TENM2: variants seen among roughly 807,000 people sequenced by gnomAD.
TENM2 encodes the protein teneurin transmembrane protein 2, also known as teneurin-2.
In TENM2, 52 loss-of-function variants were observed where a neutral mutation model predicts 245.2. That is an observed-to-expected ratio of 0.21 (90% CI 0.17 to 0.27). TENM2 has a LOEUF of 0.27. TENM2 is among the 10% of genes least tolerant of loss of function. The pLI is 1.00. For synonymous variants in TENM2, 1,363 were observed against 1,438.9 expected (o/e 0.95, Z 1.19); for missense variants, 3,046 against 3,666.8 (o/e 0.83, Z 4.37).
rs770281524 is a variant in TENM2, at chr5:168,246,764, T to C, written c.5825T>C (p.Val1942Ala). Residue 1942 changes from valine to alanine, a missense_variant, in exon 27 of 29, where the codon GTC becomes GCC. Val to Ala is a moderately conservative substitution (Grantham distance 64). Around this residue, in one of 2 missense-constraint regions of TENM2, gnomAD observed 2,704 missense variants for 3,331.9 expected, o/e 0.81. Coordinates refer to ENST00000518659, the Ensembl canonical transcript of TENM2. The stretch of plus-strand genomic sequence containing the variant: ...CCCCTTTCCTTTCTGCAGTCCATGG[T>C]CCTCCTGCTTCAGAGCCAACGTCAG... 4 of 1,613,352 alleles carry C rather than the reference T, an allele frequency of 2.5e-6. No homozygotes were observed. The African/African-American group carries it at 4.0e-5, about 16-fold the overall frequency.
Position 167,993,188 on chromosome 5 carries a change from T to G in TENM2, c.1186+6T>G. ...TTTGCTGGCGTATTTCATAGGTAAG[T>G]CAGGGCAGCCTTATTCAGCAACGCT... On this transcript the variant is annotated splice_donor_region_variant and intron_variant, in intron 5 of 28. Transcript: ENST00000518659. 1.2e-6 allele frequency: 2 copies of G among 1,612,320 alleles called. No individual in the cohort carries two copies. Among genetic ancestry groups the G allele is most frequent in the Non-Finnish European group, 1.7e-6 (2 of 1,178,492 alleles).
the TENM2 span, among the ~76,000 whole-genome samples, chr5:167,158,846 C>CCCTTCCTTCCTTCCTTCCTTCCTT: frequency 1.5e-4 from 13 of 86,060 alleles, no homozygotes; most frequent in East Asian, 3.4e-4. Context: ...TCCATAGCAG[C>CCCTTCCTTCCTTCCTTCCTTCCTT]CCTTCCTTCC....
chr5:167,281,111 ATG>A (rs201328409), upstream of TENM2, among the ~76,000 whole-genome samples: 42 of 144,434 alleles, frequency 2.9e-4, no homozygotes, highest in East Asian at 9.5e-4. Context: ...CTGACAATCA[ATG>A]TTTTTTTTTT....
At chr5:167,588,502 T>C (rs954657365) in intron 2 of TENM2, among the ~76,000 whole-genome samples, 2 of 152,228 alleles carry the variant, frequency 1.3e-5, no homozygotes, top group African/African-American at 4.8e-5. Context: ...TCCAAATGAA[T>C]TGATATGAAT....
intron 7 of TENM2, among the ~76,000 whole-genome samples, chr5:168,076,704 T>A (rs977091584): frequency 1.2e-4 from 19 of 152,222 alleles, no homozygotes; most frequent in Middle Eastern, 3.2e-3. Context: ...ACAAATAGTT[T>A]TACATTCATT....
chr5:167,331,129 G>A (rs180947836), intron 1 of TENM2, among the ~76,000 whole-genome samples: 2 of 151,200 alleles, frequency 1.3e-5, no homozygotes, highest in Non-Finnish European at 3.0e-5. Flanking sequence ...CCAGCTACTC[G>A]GGAGGCTGAG....
chr5:168,149,287 C>T, intron 12 of TENM2: 1 of 447,054 alleles, frequency 2.2e-6, no homozygotes, highest in Non-Finnish European at 4.5e-6. Flanking sequence ...TCACCCTTTC[C>T]CTTCATCTCC....
chr5:167,657,178 T>C (rs1754899962), intron 2 of TENM2, among the ~76,000 whole-genome samples: 4 of 152,174 alleles, frequency 2.6e-5, no homozygotes, highest in Admixed American at 2.6e-4. Flanking sequence ...GAGATCATGT[T>C]TTTGTTTGCT....
chr5:167,507,788 G>A (rs1769655036), intron 2 of TENM2, among the ~76,000 whole-genome samples: 1 of 152,042 alleles, frequency 6.6e-6, no homozygotes, highest in Non-Finnish European at 1.5e-5. Context: ...ATTACCATAG[G>A]AATTACCATG....
intron 1 of TENM2, among the ~76,000 whole-genome samples, chr5:167,331,235 C>CAAAAAAA (rs34787036): frequency 1.2e-5 from 1 of 85,596 alleles, no homozygotes; most frequent in African/African-American, 4.9e-5. Flanking sequence ...GACTCTGTCT[C>CAAAAAAA]AAAAAAAAAA....
the TENM2 span, among the ~76,000 whole-genome samples, chr5:167,279,064 G>A: frequency 6.6e-6 from 1 of 152,158 alleles, no homozygotes; most frequent in African/African-American, 2.4e-5. Context: ...ATTGTAGTTT[G>A]AAGATTCTTT....
At chr5:167,738,462 C>G (rs1446011139) in intron 2 of TENM2, among the ~76,000 whole-genome samples, 3 of 152,078 alleles carry the variant, frequency 2.0e-5, no homozygotes, top group Non-Finnish European at 4.4e-5. Context: ...GATGTCTGTC[C>G]CCCTTGCAAA....
At chr5:167,809,120 C>A (rs995901589) in intron 2 of TENM2, among the ~76,000 whole-genome samples, 2 of 152,166 alleles carry the variant, frequency 1.3e-5, no homozygotes, top group African/African-American at 2.4e-5. Context: ...CAAAGTTACA[C>A]AAGACGCTGT....
chr5:167,930,155 A>T (rs766319321), intron 3 of TENM2, among the ~76,000 whole-genome samples: 11 of 152,226 alleles, frequency 7.2e-5, no homozygotes, highest in Non-Finnish European at 1.2e-4. Flanking sequence ...ATGTAAAAAG[A>T]TCAATTGAGT....
chr5:167,365,766 C>T (rs75949574), intron 1 of TENM2, among the ~76,000 whole-genome samples: 41 of 152,030 alleles, frequency 2.7e-4, no homozygotes, highest in African/African-American at 9.9e-4. Context: ...TATAAAATAA[C>T]CTTAAATAGA....
At chr5:168,071,837 G>A (rs192252246) in intron 7 of TENM2, among the ~76,000 whole-genome samples, 21 of 152,286 alleles carry the variant, frequency 1.4e-4, no homozygotes, top group Middle Eastern at 3.4e-3. Context: ...ACTATGAGCC[G>A]AGCCGAACTC....
intron 1 of TENM2, among the ~76,000 whole-genome samples, chr5:167,359,638 T>C (rs1384908478): frequency 6.6e-6 from 1 of 152,218 alleles, no homozygotes; most frequent in Non-Finnish European, 1.5e-5. Flanking sequence ...ACGAAACCTT[T>C]GCCAGTTCTT....
rs575525574 is a variant in TENM2, at chr5:167,694,096, T to C, written c.503-181890T>C. Among the ~76,000 whole-genome samples the C allele has an allele frequency of 4.6e-5, 7 of 152,310 alleles. No homozygotes were observed. In the South Asian group the frequency reaches 1.4e-3, roughly 32 times the overall value. ...TAGTATTATCAGAAATGTACAAAAA[T>C]CATCAGCCTCCTAAATCGACATCTT... On this transcript the variant is annotated intron_variant, in intron 2 of 28. Transcript: ENST00000518659.
At chr5:167,289,281 T>A (rs1336220206) in intron 1 of TENM2, among the ~76,000 whole-genome samples, 1 of 152,236 alleles carries the variant, frequency 6.6e-6, no homozygotes, top group Non-Finnish European at 1.5e-5. Flanking sequence ...ATTGCTCAGG[T>A]AAGTAGAACT....
Sources: gnomAD v4.1 joint callset for allele counts (sites outside exome capture counted in the v4.1 genomes callset) on GRCh38, gnomAD v4.1.1 for gene constraint, gnomAD v4.1.1 regional missense constraint, MANE v1.5 for transcripts, NCBI Gene and HGNC (gene_info 2026-07-23, HGNC 2026-07-21) for gene names.